SFI1: variants seen among roughly 807,000 people sequenced by gnomAD.
SFI1 encodes the protein protein SFI1 homolog.
Under a neutral mutation model 207.5 loss-of-function variants are expected in SFI1, and 195 were observed. The observed-to-expected ratio is 0.94, with a 90% CI of 0.84 to 1.06. SFI1 has a LOEUF of 1.06. Among genes scored for constraint, SFI1 ranks in the 50% least tolerant of loss-of-function variants. The pLI is 0.00. For synonymous variants in SFI1, 630 were observed against 598.9 expected (o/e 1.05, Z -0.76); for missense variants, 1,634 against 1,588.0 (o/e 1.03, Z -0.49).
intron 2 of SFI1, among the ~76,000 whole-genome samples, chr22:31,516,690 C>T (rs1344264962): frequency 6.6e-6 from 1 of 151,610 alleles, no homozygotes; most frequent in African/African-American, 2.4e-5. Context: ...AGTGGTGGTT[C>T]ATGCCTGTAA....
intron 10 of SFI1, 116 bp from the exon 11 acceptor site, chr22:31,578,266 C>A: frequency 1.1e-6 from 1 of 925,432 alleles, no homozygotes; most frequent in Non-Finnish European, 1.6e-6. Flanking sequence ...TGGACCTCAG[C>A]CCACCTGGCA....
At chr22:31,539,399 T>G (rs1362103944) in intron 4 of SFI1, among the ~76,000 whole-genome samples, 3 of 152,170 alleles carry the variant, frequency 2.0e-5, no homozygotes, top group Non-Finnish European at 4.4e-5. Context: ...TGTCACCTAT[T>G]GAGTTTGTTT....
At chr22:31,550,605 C>T (rs1457378573) in intron 6 of SFI1, 1 of 366,746 alleles carries the variant, frequency 2.7e-6, no homozygotes, top group African/African-American at 2.1e-5. Context: ...CTGGCTGTTC[C>T]TGGCCTGCTG....
At chr22:31,504,886 A>T (rs2054378583) in intron 1 of SFI1, among the ~76,000 whole-genome samples, 1 of 151,992 alleles carries the variant, frequency 6.6e-6, no homozygotes, top group Non-Finnish European at 1.5e-5. Context: ...TTATGGGCCC[A>T]CCCTACTCCC....
chr22:31,581,155 A>AT (rs201067778), intron 12 of SFI1, among the ~76,000 whole-genome samples: 6,883 of 150,908 alleles, frequency 0.046, 134 homozygotes, highest in African/African-American at 0.053. Flanking sequence ...TAATTTTTGT[A>AT]TTTTTTGTAG....
chr22:31,550,918 G>A (rs765409848), intron 6 of SFI1, among the ~76,000 whole-genome samples: 20 of 152,162 alleles, frequency 1.3e-4, no homozygotes, highest in Non-Finnish European at 2.2e-4. Flanking sequence ...CAAGTCACAA[G>A]TACAACCTGT....
Position 31,615,212 on chromosome 22 carries a change from C to T in SFI1, c.3233C>T (p.Thr1078Ile). ...PGPKQPPTAS[T>I]GPELLLLPLS... is the part of the protein sequence containing the mutation. ...CCGAAGCAGCCCCCGACGGCAAGCA[C>T]AGGCCCGGAGCTGCTGCTGCTGCCT... Residue 1078 changes from threonine (T) to isoleucine (I), a missense_variant, in exon 29 of 33, where the codon ACA (threonine) becomes ATA (isoleucine). Physicochemically the swap from Thr to Ile is moderately conservative, Grantham distance 89. Coordinates refer to ENST00000400288, the MANE Select transcript of SFI1 (RefSeq NM_001007467.3). 6.4e-7 allele frequency: 1 copy of T among 1,574,094 alleles called. No homozygotes were observed. Among genetic ancestry groups the T allele is most frequent in the Non-Finnish European group, 8.6e-7 (1 of 1,164,994 alleles).
chr22:31,528,628 A>G lies in SFI1; in HGVS notation c.93-62A>G, dbSNP rs962266191. 2.8e-6 allele frequency: 4 copies of G among 1,454,200 alleles called. No individual in the cohort carries two copies. In the African/African-American group the frequency reaches 4.2e-5, roughly 15 times the overall value. The allele number at this position is 1,454,200 out of a possible 1,614,324, so 90.1% of individuals were successfully genotyped here. On this transcript the variant is annotated intron_variant, in intron 2 of 32. Coordinates refer to ENST00000400288, the MANE Select transcript of SFI1 (RefSeq NM_001007467.3). The stretch of plus-strand genomic sequence containing the variant: ...TTAATTTTGCTTGTATATTAAAAGT[A>G]TTTGCATCACATGCAGAGATAACTT...
chr22:31,504,182 C>T (rs2054270698), intron 1 of SFI1, among the ~76,000 whole-genome samples: 2 of 152,122 alleles, frequency 1.3e-5, no homozygotes, highest in African/African-American at 4.8e-5. Flanking sequence ...CCATGAAGGA[C>T]ATTCCACAGG....
At chr22:31,514,507 C>CAAAAAA (rs776120363) in intron 2 of SFI1, among the ~76,000 whole-genome samples, 1 of 48,980 alleles carries the variant, frequency 2.0e-5, no homozygotes, top group Non-Finnish European at 3.7e-5. Flanking sequence ...GACTCTGTCT[C>CAAAAAA]AAAAAAAAAA....
At chr22:31,535,662 A>T (rs2058927286) in intron 4 of SFI1, among the ~76,000 whole-genome samples, 1 of 151,728 alleles carries the variant, frequency 6.6e-6, no homozygotes, top group African/African-American at 2.4e-5. Flanking sequence ...GGGATTACAG[A>T]CGTGCACCAC....
At chr22:31,610,511 C>G (rs1252794913) in intron 22 of SFI1, among the ~76,000 whole-genome samples, 1 of 152,228 alleles carries the variant, frequency 6.6e-6, no homozygotes, top group Non-Finnish European at 1.5e-5. Flanking sequence ...GTGCCCTGCT[C>G]TCAACCCTGT....
chr22:31,599,281 A>T (rs1481416989), intron 15 of SFI1, among the ~76,000 whole-genome samples: 1 of 150,920 alleles, frequency 6.6e-6, no homozygotes, highest in Non-Finnish European at 1.5e-5. Flanking sequence ...GTCAAGGTTT[A>T]TTTTTTTCTG....
intron 15 of SFI1, among the ~76,000 whole-genome samples, chr22:31,596,352 C>T: frequency 6.6e-6 from 1 of 152,114 alleles, no homozygotes; most frequent in East Asian, 1.9e-4. Flanking sequence ...TTCCTTAGTA[C>T]GAAGTCCAGG....
At chr22:31,595,172 A>G (rs1042947996) in intron 15 of SFI1, among the ~76,000 whole-genome samples, 1 of 151,904 alleles carries the variant, frequency 6.6e-6, no homozygotes, top group Non-Finnish European at 1.5e-5. Context: ...AATTTTTTGT[A>G]TCTTTAGTAG....
chr22:31,508,544 C>T (rs1176363032), intron 2 of SFI1, among the ~76,000 whole-genome samples, 168 bp downstream of exon 2: 6 of 152,002 alleles, frequency 3.9e-5, no homozygotes, highest in Admixed American at 6.6e-5. Flanking sequence ...ATACACATTT[C>T]GTACATTATG....
chr22:31,534,237 C>A (rs1350739658), intron 4 of SFI1, among the ~76,000 whole-genome samples: 1 of 152,180 alleles, frequency 6.6e-6, no homozygotes, highest in Non-Finnish European at 1.5e-5. Flanking sequence ...AGGTGATCTA[C>A]CCACCTCGGC....
At chr22:31,531,355 T>C (rs1186904093) in intron 4 of SFI1, among the ~76,000 whole-genome samples, 3 of 152,110 alleles carry the variant, frequency 2.0e-5, no homozygotes, top group Non-Finnish European at 4.4e-5. Context: ...ATCTACAAAG[T>C]AGCCAGTAAA....
At chr22:31,616,485 G>A (rs1295782737) in intron 29 of SFI1, 3 of 420,316 alleles carry the variant, frequency 7.1e-6, no homozygotes, top group East Asian at 7.7e-5. Context: ...CTCAGGCAGT[G>A]GAGGCGTGAG....
Sources: gnomAD v4.1 joint callset for allele counts (sites outside exome capture counted in the v4.1 genomes callset) on GRCh38, gnomAD v4.1.1 for gene constraint, MANE v1.5 for transcripts, NCBI Gene and HGNC (gene_info 2026-07-23, HGNC 2026-07-21) for gene names.